MAPKAPK2: variants seen among roughly 807,000 people sequenced by gnomAD.
MAPKAPK2 encodes the protein MAP kinase-activated protein kinase 2.
A neutral mutation model predicts 48.8 loss-of-function variants in MAPKAPK2; 9 were observed. The ratio of observed to expected loss-of-function variants is 0.18; its 90% CI spans 0.11 to 0.32. MAPKAPK2 has a LOEUF of 0.32. MAPKAPK2 is among the 10% of genes least tolerant of loss of function. The probability of loss-of-function intolerance (pLI) is 1.00; values close to 1 mark genes in which losing one functional copy is unlikely to be tolerated. For missense variants in MAPKAPK2, 331 were observed against 498.3 expected (o/e 0.66, Z 3.20); for synonymous variants, 202 against 190.6 (o/e 1.06, Z -0.49).
intron 1 of MAPKAPK2, among the ~76,000 whole-genome samples, chr1:206,725,451 G>A (rs1315801129): frequency 3.3e-5 from 5 of 152,158 alleles, no homozygotes; most frequent in Admixed American, 3.3e-4. Context: ...CTGTACTGTG[G>A]CATTAATGGT....
intron 1 of MAPKAPK2, among the ~76,000 whole-genome samples, chr1:206,694,735 G>A (rs1479082260): frequency 6.6e-6 from 1 of 152,230 alleles, no homozygotes; most frequent in Non-Finnish European, 1.5e-5. Context: ...TTCTAGGAAT[G>A]CAGGTGACCT....
intron 1 of MAPKAPK2, among the ~76,000 whole-genome samples, chr1:206,728,305 G>C (rs1673774873): frequency 6.6e-6 from 1 of 152,114 alleles, no homozygotes. Context: ...GGACTCTGGA[G>C]TCTCTCTTCT....
chr1:206,697,554 A>G (rs1207971001), intron 1 of MAPKAPK2, among the ~76,000 whole-genome samples: 1 of 151,494 alleles, frequency 6.6e-6, no homozygotes, highest in Non-Finnish European at 1.5e-5. Context: ...GAGGCCCTCG[A>G]CTCTTTTTAA....
chr1:206,692,088 G>C (rs945815368), intron 1 of MAPKAPK2, among the ~76,000 whole-genome samples: 5 of 152,194 alleles, frequency 3.3e-5, no homozygotes. Flanking sequence ...AAGTTATGGG[G>C]CATTTGAGGG....
At chr1:206,726,025 G>T (rs1673691379) in intron 1 of MAPKAPK2, among the ~76,000 whole-genome samples, 1 of 152,164 alleles carries the variant, frequency 6.6e-6, no homozygotes, top group South Asian at 2.1e-4. Flanking sequence ...AAGGAAATTG[G>T]CCAGTGCCTT....
chr1:206,729,262 T>G, intron 3 of MAPKAPK2, 134 bp from the exon 4 acceptor site: 2 of 1,086,360 alleles, frequency 1.8e-6, no homozygotes, highest in Non-Finnish European at 2.8e-6. Flanking sequence ...CCTGGTGGCT[T>G]TGTTTCTGGG....
At chr1:206,706,472 T>C (rs972017133) in intron 1 of MAPKAPK2, among the ~76,000 whole-genome samples, 8 of 152,282 alleles carry the variant, frequency 5.3e-5, no homozygotes, top group African/African-American at 1.9e-4. Context: ...TAGCTGCAGC[T>C]GCCAACTGGG....
intron 1 of MAPKAPK2, among the ~76,000 whole-genome samples, chr1:206,706,335 C>G (rs966983088): frequency 1.3e-5 from 2 of 152,004 alleles, no homozygotes; most frequent in Non-Finnish European, 2.9e-5. Flanking sequence ...GGGGGAGGAG[C>G]AAAGCCAGTC....
chr1:206,701,829 T>A (rs1237618058), intron 1 of MAPKAPK2, among the ~76,000 whole-genome samples: 2 of 65,486 alleles, frequency 3.1e-5, no homozygotes, highest in Non-Finnish European at 3.0e-5. Context: ...AGACCCTGTC[T>A]CTAAAAAAAA....
At chr1:206,703,328 A>G (rs1355932394) in intron 1 of MAPKAPK2, among the ~76,000 whole-genome samples, 1 of 152,232 alleles carries the variant, frequency 6.6e-6, no homozygotes, top group Non-Finnish European at 1.5e-5. Context: ...CCAGTTAGAG[A>G]AGACAAATGG....
intron 1 of MAPKAPK2, among the ~76,000 whole-genome samples, chr1:206,710,487 G>A (rs782515764): frequency 1.3e-5 from 2 of 152,196 alleles, no homozygotes; most frequent in African/African-American, 2.4e-5. Flanking sequence ...TGGTAATGCT[G>A]GTAGTGAATT....
chr1:206,723,867 G>A (rs1673622198), intron 1 of MAPKAPK2, among the ~76,000 whole-genome samples: 1 of 152,234 alleles, frequency 6.6e-6, no homozygotes, highest in African/African-American at 2.4e-5. Context: ...CCCAGGCAAT[G>A]CGCTCTGTGG....
rs1673981566 is a variant in MAPKAPK2 at position 206,733,042 on chromosome 1, TC to T, written c.*326del. On this transcript the variant is annotated 3_prime_UTR_variant, in exon 10 of 10. Coordinates refer to ENST00000367103, the MANE Select transcript of MAPKAPK2 (RefSeq NM_032960.4). ...CCCCACTCCTCTCCACCAGACGCCT[TC>T]CTCTCTGGATACTGCAAAGGCTTGT... 1 of 290,364 alleles carries T rather than the reference TC, an allele frequency of 3.4e-6. No individual in the cohort carries two copies. Among genetic ancestry groups the T allele is most frequent in the Non-Finnish European group, 6.6e-6 (1 of 152,604 alleles). 18.0% of individuals were successfully genotyped at this position (290,364 alleles called of 1,614,324 possible). A position where few individuals can be genotyped will look rare whatever the true frequency, so the allele number is the denominator to read the frequency against.
At chr1:206,711,925 G>A (rs1393021034) in intron 1 of MAPKAPK2, among the ~76,000 whole-genome samples, 3 of 152,010 alleles carry the variant, frequency 2.0e-5, no homozygotes, top group African/African-American at 7.2e-5. Context: ...GCCTGGCCCC[G>A]TTGTCTATTA....
rs782781155 is a variant in MAPKAPK2 at position 206,732,909 on chromosome 1, G to C, written c.*191G>C. 4.9e-6 allele frequency: 3 copies of C among 615,512 alleles called. No individual in the cohort carries two copies. The highest frequency in any genetic ancestry group is 8.2e-6 in the Non-Finnish European group (3 of 367,880). 38.1% of individuals were successfully genotyped at this position (615,512 alleles called of 1,614,324 possible). A position where few individuals can be genotyped will look rare whatever the true frequency, so the allele number is the denominator to read the frequency against. The stretch of plus-strand genomic sequence containing the variant: ...CAGAGTGGGAGAGGCTGGGAGGTTG[G>C]GAGGCTGTGGAGAGAAGTGAGCAAG... On this transcript the variant is annotated 3_prime_UTR_variant, in exon 10 of 10. Coordinates refer to ENST00000367103, the MANE Select transcript of MAPKAPK2 (RefSeq NM_032960.4). This position sits in a 1 kb window ranked among gnomAD's most constrained non-coding sequence, Gnocchi z 4.4.
chr1:206,714,907 C>T (rs1368566964), intron 1 of MAPKAPK2, among the ~76,000 whole-genome samples: 1 of 152,094 alleles, frequency 6.6e-6, no homozygotes, highest in South Asian at 2.1e-4. Flanking sequence ...TGAGCTTGGT[C>T]TAGTGCCTGG....
At chr1:206,696,989 C>T (rs74147161) in intron 1 of MAPKAPK2, among the ~76,000 whole-genome samples, 2,084 of 152,316 alleles carry the variant, frequency 0.014, 36 homozygotes, top group African/African-American at 0.048. Flanking sequence ...TTTCTTCCCT[C>T]TACCCACTTG....
intron 1 of MAPKAPK2, among the ~76,000 whole-genome samples, chr1:206,702,334 C>A (rs1378952804): frequency 6.6e-6 from 1 of 152,218 alleles, no homozygotes; most frequent in African/African-American, 2.4e-5. Context: ...GTGGTCCCTG[C>A]CACTCCAAGT....
chr1:206,711,607 C>CTTTTTTTTTTTTT (rs781793889), intron 1 of MAPKAPK2, among the ~76,000 whole-genome samples: 22 of 115,506 alleles, frequency 1.9e-4, no homozygotes, highest in South Asian at 2.9e-4. Context: ...CTACCTCATT[C>CTTTTTTTTTTTTT]TTTTTTTTTT....
Sources: gnomAD v4.1 joint callset for allele counts (sites outside exome capture counted in the v4.1 genomes callset) on GRCh38, gnomAD v4.1.1 for gene constraint, Gnocchi (gnomAD v3.1) non-coding constraint, MANE v1.5 for transcripts, NCBI Gene and HGNC (gene_info 2026-07-23, HGNC 2026-07-21) for gene names.